Variants in CD28 observed in about 807,000 individuals in gnomAD.
CD28 encodes the protein T-cell-specific surface glycoprotein CD28.
In CD28, 8 loss-of-function variants were observed where a neutral mutation model predicts 21.4. The observed-to-expected ratio is 0.37, with a 90% CI of 0.22 to 0.68. The LOEUF (loss-of-function observed/expected upper bound fraction) is 0.68. Ranked by LOEUF, CD28 falls within the 30% of genes least tolerant of loss-of-function variation. CD28 has a pLI of 0.55. For missense variants in CD28, 239 were observed against 272.2 expected (o/e 0.88, Z 0.86); for synonymous variants, 106 against 104.0 (o/e 1.02, Z -0.12).
chr2:203,738,247 A>C lies in CD28; in HGVS notation c.*3335A>C, dbSNP rs1694092167. On this transcript the variant is annotated 3_prime_UTR_variant, in exon 4 of 4. Transcript: ENST00000324106. ...ACCGGTCCTCATGGCTATTTTAATG[A>C]GGGTATTGATGGTTAAATGCATGTC... The C allele has an allele frequency of 6.6e-6, 1 of 152,124 alleles. No individual in the cohort carries two copies. The highest frequency in any genetic ancestry group is 1.5e-5 in the Non-Finnish European group (1 of 68,044). The allele number at this position is 152,124 out of a possible 1,614,324, so 9.4% of individuals were successfully genotyped here.
chr2:203,715,130 G>A (rs1693430824), intron 1 of CD28, among the ~76,000 whole-genome samples: 1 of 152,202 alleles, frequency 6.6e-6, no homozygotes, highest in African/African-American at 2.4e-5. Flanking sequence ...AGGAAAATAT[G>A]GCTCTCAAAT....
chr2:203,721,792 G>A (rs55686954), intron 1 of CD28, among the ~76,000 whole-genome samples: 7,944 of 152,190 alleles, frequency 0.052, 352 homozygotes, highest in South Asian at 0.22. Flanking sequence ...ATGAGCTGCC[G>A]TAGGACGGGA....
intron 1 of CD28, among the ~76,000 whole-genome samples, chr2:203,718,118 T>C (rs1264952311): frequency 6.6e-6 from 1 of 152,104 alleles, no homozygotes; most frequent in Non-Finnish European, 1.5e-5. Context: ...TGGTGAATGT[T>C]TTGTACTTCT....
At chr2:203,707,182 CTTTT>C (rs1003138273) in intron 1 of CD28, among the ~76,000 whole-genome samples, 1 of 148,256 alleles carries the variant, frequency 6.7e-6, no homozygotes, top group Non-Finnish European at 1.5e-5. Context: ...TTCTTTCTTT[CTTTT>C]TTTTTTTAAT....
At position 203,735,178 on chromosome 2, in the gene CD28, A is replaced by AG; in HGVS notation, c.*267dup. On this transcript the variant is annotated 3_prime_UTR_variant, in exon 4 of 4. Transcript: ENST00000324106. ...TACCATGTACTTAGTGACTTGACTGAGAAGTTAGGGTAGAAAACAAAAAGG... is the reference window on the plus strand; with the variant it reads ...TACCATGTACTTAGTGACTTGACTGAGGAAGTTAGGGTAGAAAACAAAAAGG... 6.8e-6 allele frequency: 3 copies of AG among 440,180 alleles called. No individual in the cohort carries two copies. The highest frequency in any genetic ancestry group is 1.2e-5 in the Non-Finnish European group (3 of 248,798). The allele number at this position is 440,180 out of a possible 1,614,324, so 27.3% of individuals were successfully genotyped here.
chr2:203,712,707 A>C (rs575086326), intron 1 of CD28, among the ~76,000 whole-genome samples: 2 of 152,368 alleles, frequency 1.3e-5, no homozygotes, highest in South Asian at 4.1e-4. Context: ...AGGAAGCATA[A>C]AATAAATACT....
intron 1 of CD28, among the ~76,000 whole-genome samples, chr2:203,722,200 C>G (rs1261495619): frequency 1.3e-5 from 2 of 152,076 alleles, no homozygotes; most frequent in South Asian, 4.1e-4. Flanking sequence ...AATACAAATG[C>G]CTAACCTGCA....
chr2:203,732,638 G>A (rs961943929), intron 3 of CD28, among the ~76,000 whole-genome samples: 6 of 152,176 alleles, frequency 3.9e-5, no homozygotes, highest in African/African-American at 1.4e-4. Flanking sequence ...AAGGAGGAAT[G>A]GTCCAGAAAT....
At chr2:203,720,612 T>C (rs1693581777) in intron 1 of CD28, among the ~76,000 whole-genome samples, 1 of 152,234 alleles carries the variant, frequency 6.6e-6, no homozygotes, top group Non-Finnish European at 1.5e-5. Context: ...AGTCTAGATA[T>C]GTCCTTACAT....
At chr2:203,721,667 G>A (rs568081547) in intron 1 of CD28, among the ~76,000 whole-genome samples, 1 of 152,226 alleles carries the variant, frequency 6.6e-6, no homozygotes, top group East Asian at 1.9e-4. Flanking sequence ...CAGGTCAGCC[G>A]TCATCTCCTG....
chr2:203,720,322 A>G (rs1036308225), intron 1 of CD28, among the ~76,000 whole-genome samples: 9 of 152,242 alleles, frequency 5.9e-5, no homozygotes, highest in African/African-American at 2.2e-4. Flanking sequence ...CAACTTGTCA[A>G]TTCAGTTAGA....
intron 1 of CD28, among the ~76,000 whole-genome samples, chr2:203,715,804 C>T (rs1236302601): frequency 1.3e-5 from 2 of 152,176 alleles, no homozygotes; most frequent in Non-Finnish European, 2.9e-5. Context: ...TGCGTGAACT[C>T]TGGGTCGGTT....
Position 203,735,149 on chromosome 2 carries a change from A to C in CD28, c.*237A>C, listed in dbSNP as rs576354946. 1.9e-6 allele frequency: 1 copy of C among 536,430 alleles called. No individual in the cohort carries two copies. The highest frequency in any genetic ancestry group is 2.4e-5 in the South Asian group (1 of 41,236). 33.2% of individuals were successfully genotyped at this position (536,430 alleles called of 1,614,324 possible). ...CTTACAGTGCCATGGCCCACATTCC[A>C]ACTTACCATGTACTTAGTGACTTGA... On this transcript the variant is annotated 3_prime_UTR_variant, in exon 4 of 4. Transcript: ENST00000324106.
upstream of CD28, chr2:203,706,625 T>A (rs969816690): frequency 1.2e-6 from 2 of 1,612,934 alleles, no homozygotes; most frequent in Non-Finnish European, 1.7e-6. Flanking sequence ...CAGGTGCGTC[T>A]TTCAGTTCCC....
intron 1 of CD28, among the ~76,000 whole-genome samples, chr2:203,709,343 C>T (rs543985143): frequency 9.2e-5 from 14 of 151,940 alleles, no homozygotes; most frequent in Admixed American, 8.5e-4. Context: ...TTCTTTTTTC[C>T]ATTAATTTAA....
intron 2 of CD28, among the ~76,000 whole-genome samples, chr2:203,729,028 G>A (rs1693822257): frequency 6.6e-6 from 1 of 152,100 alleles, no homozygotes. Flanking sequence ...CAGCTAGGAT[G>A]GAAAATCAAT....
rs200167780 is a variant in CD28 at position 203,735,173 on chromosome 2, G to A, written c.*261G>A. The A allele has an allele frequency of 2.4e-5, 11 of 450,768 alleles. No homozygotes were observed. Among genetic ancestry groups the A allele is most frequent in the Non-Finnish European group, 3.9e-5 (10 of 255,598 alleles). The allele number at this position is 450,768 out of a possible 1,614,324, so 27.9% of individuals were successfully genotyped here. ...CAACTTACCATGTACTTAGTGACTT[G>A]ACTGAGAAGTTAGGGTAGAAAACAA... On this transcript the variant is annotated 3_prime_UTR_variant, in exon 4 of 4. Coordinates refer to ENST00000324106, the MANE Select transcript of CD28 (RefSeq NM_006139.4).
At chr2:203,726,590 C>T (rs750385096) in intron 1 of CD28, 43 bp from the exon 2 acceptor site, 3 of 1,418,632 alleles carry the variant, frequency 2.1e-6, no homozygotes, top group South Asian at 1.3e-5. Flanking sequence ...GAAAAATTAT[C>T]CTTATATTCT....
chr2:203,734,958 C>G lies in CD28; in HGVS notation c.*46C>G. The G allele has an allele frequency of 1.2e-6, 2 of 1,600,784 alleles. No homozygotes were observed. Among genetic ancestry groups the G allele is most frequent in the Non-Finnish European group, 1.7e-6 (2 of 1,172,734 alleles). On this transcript the variant is annotated 3_prime_UTR_variant, in exon 4 of 4. Coordinates refer to ENST00000324106, the MANE Select transcript of CD28 (RefSeq NM_006139.4). Reference sequence around the variant, plus strand: ...CCAGCCGGCTGGCAGCCCCCATCTGCTCAATATCACTGCTCTGGATAGGAA... The same window carrying G: ...CCAGCCGGCTGGCAGCCCCCATCTGGTCAATATCACTGCTCTGGATAGGAA...
Sources: gnomAD v4.1 joint callset for allele counts (sites outside exome capture counted in the v4.1 genomes callset) on GRCh38, gnomAD v4.1.1 for gene constraint, MANE v1.5 for transcripts, NCBI Gene and HGNC (gene_info 2026-07-23, HGNC 2026-07-21) for gene names.